PKNOX2: variants seen among roughly 807,000 people sequenced by gnomAD.
PKNOX2 encodes homeobox protein PKNOX2.
Under a neutral mutation model 53.1 loss-of-function variants are expected in PKNOX2, and 14 were observed. That is an observed-to-expected ratio of 0.26 (90% confidence interval 0.17 to 0.41). The LOEUF (loss-of-function observed/expected upper bound fraction) is 0.41. Among genes scored for constraint, PKNOX2 ranks in the 10% least tolerant of loss-of-function variants. The pLI is 1.00. For missense variants in PKNOX2, 496 were observed against 602.8 expected (o/e 0.82, Z 1.85); for synonymous variants, 257 against 242.8 (o/e 1.06, Z -0.54).
In PKNOX2 at chr11:125,381,044, C is replaced by G. The variant is rs565916280; in HGVS notation, c.228-4507C>G. Among the ~76,000 whole-genome samples, 133 of 152,280 alleles carry G rather than the reference C, an allele frequency of 8.7e-4. 1 individual carries two copies. Among genetic ancestry groups the G allele is most frequent in the Middle Eastern group, 3.4e-3 (1 of 294 alleles). On this transcript the variant is annotated intron_variant, in intron 5 of 12. Coordinates refer to ENST00000298282, the MANE Select transcript of PKNOX2 (RefSeq NM_001382323.2). ...GCTGCAGCCACAAAACCCACGGAGT[C>G]GCTGAGAAATGGAGCGTGTCTCTCA...
chr11:125,386,757 A>C (rs916991081), intron 6 of PKNOX2, among the ~76,000 whole-genome samples: 8 of 112,346 alleles, frequency 7.1e-5, no homozygotes, highest in Admixed American at 2.2e-4. Flanking sequence ...CACACACTGC[A>C]TCTGCAGAAC....
intron 2 of PKNOX2, among the ~76,000 whole-genome samples, chr11:125,304,408 T>A (rs927320807): frequency 4.6e-5 from 7 of 152,192 alleles, no homozygotes; most frequent in African/African-American, 1.7e-4. Flanking sequence ...ATGGAACATA[T>A]GGCAGAGGGG....
chr11:125,258,213 G>A (rs1944561441), intron 2 of PKNOX2, among the ~76,000 whole-genome samples: 1 of 151,830 alleles, frequency 6.6e-6, no homozygotes, highest in Non-Finnish European at 1.5e-5. Context: ...CTGTCACCCT[G>A]TCCCCTCAAG....
At chr11:125,382,229 G>A (rs1017868223) in intron 5 of PKNOX2, among the ~76,000 whole-genome samples, 10 of 152,178 alleles carry the variant, frequency 6.6e-5, no homozygotes, top group Non-Finnish European at 1.2e-4. Context: ...ACAACACTGC[G>A]TGTGCACACA....
chr11:125,231,822 A>G (rs1250477239), intron 1 of PKNOX2, among the ~76,000 whole-genome samples: 1 of 152,104 alleles, frequency 6.6e-6, no homozygotes, highest in Non-Finnish European at 1.5e-5. Context: ...TTTGGGGGAG[A>G]TGAATTATTT....
intron 1 of PKNOX2, among the ~76,000 whole-genome samples, chr11:125,173,337 C>T (rs1826878118): frequency 6.6e-6 from 1 of 152,132 alleles, no homozygotes; most frequent in African/African-American, 2.4e-5. Context: ...AACTGGGGCT[C>T]AGAGAGTGGC....
At chr11:125,394,952 G>A (rs577598399) in intron 6 of PKNOX2, among the ~76,000 whole-genome samples, 32 of 141,596 alleles carry the variant, frequency 2.3e-4, no homozygotes, top group East Asian at 1.8e-3. Context: ...CCAGTTTTAC[G>A]TGCCCTCGTG....
intron 3 of PKNOX2, among the ~76,000 whole-genome samples, chr11:125,348,952 C>G (rs985684166): frequency 3.3e-5 from 5 of 152,124 alleles, no homozygotes; most frequent in Admixed American, 6.5e-5. Context: ...CTGGAGGCTG[C>G]AGGCACTACA....
intron 2 of PKNOX2, among the ~76,000 whole-genome samples, chr11:125,298,290 T>C (rs545085067): frequency 1.3e-5 from 2 of 152,226 alleles, no homozygotes; most frequent in East Asian, 1.9e-4. Flanking sequence ...AATTCAGGCA[T>C]CCCACTGAGT....
chr11:125,206,563 G>A (rs1170177753), intron 1 of PKNOX2, among the ~76,000 whole-genome samples: 1 of 152,082 alleles, frequency 6.6e-6, no homozygotes, highest in Non-Finnish European at 1.5e-5. Flanking sequence ...CCCTGAAGAG[G>A]CAGCATGAAA....
At chr11:125,390,971 C>T (rs79526942) in intron 6 of PKNOX2, among the ~76,000 whole-genome samples, 1 of 152,224 alleles carries the variant, frequency 6.6e-6, no homozygotes, top group Non-Finnish European at 1.5e-5. Flanking sequence ...TCAGGCCAAG[C>T]TGGCCTGGTC....
chr11:125,303,544 G>A (rs575672029), intron 2 of PKNOX2, among the ~76,000 whole-genome samples: 14 of 152,304 alleles, frequency 9.2e-5, no homozygotes, highest in South Asian at 4.1e-4. Flanking sequence ...GTGGATCAGG[G>A]AGTTCAGACT....
chr11:125,236,562 C>A (rs1003201686), intron 2 of PKNOX2, among the ~76,000 whole-genome samples: 3 of 152,170 alleles, frequency 2.0e-5, no homozygotes, highest in African/African-American at 7.2e-5. Flanking sequence ...CCCCCCGATC[C>A]CTGAGGGCAG....
intron 2 of PKNOX2, among the ~76,000 whole-genome samples, chr11:125,327,827 G>T (rs1354970183): frequency 6.6e-6 from 1 of 152,236 alleles, no homozygotes; most frequent in East Asian, 1.9e-4. Flanking sequence ...TCAGTTCTGG[G>T]AAGGAGAATT....
chr11:125,418,639 T>C (rs1377756480), intron 10 of PKNOX2, among the ~76,000 whole-genome samples: 2 of 151,962 alleles, frequency 1.3e-5, no homozygotes, highest in Non-Finnish European at 2.9e-5. Flanking sequence ...CTTTGGTCAC[T>C]CCACATTCTT....
chr11:125,227,129 T>C (rs1231770254), intron 1 of PKNOX2, among the ~76,000 whole-genome samples: 1 of 152,150 alleles, frequency 6.6e-6, no homozygotes, highest in African/African-American at 2.4e-5. Flanking sequence ...TCACATAAAA[T>C]TTGCCATCTT....
intron 7 of PKNOX2, among the ~76,000 whole-genome samples, chr11:125,403,667 G>A (rs1039473136): frequency 6.6e-6 from 1 of 152,192 alleles, no homozygotes; most frequent in African/African-American, 2.4e-5. Flanking sequence ...GCTACATGGG[G>A]ATATGTTTTT....
At chr11:125,319,342 T>C (rs1949385562) in intron 2 of PKNOX2, among the ~76,000 whole-genome samples, 1 of 152,112 alleles carries the variant, frequency 6.6e-6, no homozygotes, top group Non-Finnish European at 1.5e-5. Context: ...AATGAAAAAG[T>C]CTGAAATATT....
At chr11:125,187,417 T>C (rs962984523) in intron 1 of PKNOX2, among the ~76,000 whole-genome samples, 1 of 152,190 alleles carries the variant, frequency 6.6e-6, no homozygotes, top group African/African-American at 2.4e-5. Context: ...AAGTCTTTCA[T>C]CTCCTTGGTT....
Sources: allele counts gnomAD v4.1 joint callset (sites outside exome capture counted in the v4.1 genomes callset), GRCh38; gene constraint gnomAD v4.1.1; transcripts MANE v1.5; gene names NCBI Gene and HGNC (gene_info 2026-07-23, HGNC 2026-07-21).